Variants in TASP1 observed in about 807,000 individuals in gnomAD.
TASP1 encodes the protein taspase 1, also known as threonine aspartase 1.
A neutral mutation model predicts 56.6 loss-of-function variants in TASP1; 16 were observed. The observed-to-expected ratio is 0.28, with a 90% CI of 0.19 to 0.43. TASP1 has a LOEUF of 0.43. Ranked by LOEUF, TASP1 falls within the 20% of genes least tolerant of loss-of-function variation. The pLI, the probability that TASP1 is intolerant of heterozygous loss-of-function variation, is 1.00. For missense variants in TASP1, 393 were observed against 511.6 expected (o/e 0.77, Z 2.24); for synonymous variants, 179 against 184.2 (o/e 0.97, Z 0.23).
At chr20:13,234,695 CT>C in the TASP1 span, among the ~76,000 whole-genome samples, 1 of 152,206 alleles carries the variant, frequency 6.6e-6, no homozygotes, top group Non-Finnish European at 1.5e-5. Context: ...TTTTATTTCT[CT>C]GATAATTAGT....
At chr20:13,230,004 T>G in the TASP1 span, among the ~76,000 whole-genome samples, 1 of 152,196 alleles carries the variant, frequency 6.6e-6, no homozygotes, top group East Asian at 1.9e-4. Flanking sequence ...TTATTTTCCT[T>G]TATATAAACC....
intron 11 of TASP1, among the ~76,000 whole-genome samples, chr20:13,438,180 G>A (rs75739328): frequency 2.2e-4 from 34 of 151,874 alleles, no homozygotes; most frequent in African/African-American, 8.0e-4. Flanking sequence ...GAACCAAAAA[G>A]GAGCCCGCAT....
the TASP1 span, among the ~76,000 whole-genome samples, chr20:13,329,958 C>CTTT: frequency 1.4e-5 from 2 of 144,962 alleles, no homozygotes; most frequent in African/African-American, 2.5e-5. Context: ...TGTCAAATTC[C>CTTT]TTTTTTTTTT....
chr20:13,596,840 A>G (rs1347696115), intron 4 of TASP1, among the ~76,000 whole-genome samples: 1 of 152,246 alleles, frequency 6.6e-6, no homozygotes, highest in Non-Finnish European at 1.5e-5. Flanking sequence ...ATAAAAAATG[A>G]TAAAGAAGAT....
At chr20:13,151,649 C>A in the TASP1 span, among the ~76,000 whole-genome samples, 70 of 152,314 alleles carry the variant, frequency 4.6e-4, no homozygotes, top group Non-Finnish European at 7.3e-4. Flanking sequence ...TCTGCATATA[C>A]CATATTGTTA....
chr20:13,142,277 C>T, the TASP1 span, among the ~76,000 whole-genome samples: 1 of 152,190 alleles, frequency 6.6e-6, no homozygotes, highest in Non-Finnish European at 1.5e-5. Flanking sequence ...ACAAGATATC[C>T]TTTTACATGA....
At chr20:13,316,211 T>C in the TASP1 span, among the ~76,000 whole-genome samples, 1 of 151,902 alleles carries the variant, frequency 6.6e-6, no homozygotes, top group African/African-American at 2.4e-5. Flanking sequence ...GATCAATTCC[T>C]GGAAAAACAC....
the TASP1 span, among the ~76,000 whole-genome samples, chr20:13,230,488 C>T: frequency 1.3e-5 from 2 of 152,150 alleles, no homozygotes; most frequent in Non-Finnish European, 2.9e-5. Flanking sequence ...TATTATTTCT[C>T]TCTCATCTTC....
chr20:13,187,624 T>C, the TASP1 span, among the ~76,000 whole-genome samples: 6 of 150,816 alleles, frequency 4.0e-5, no homozygotes, highest in East Asian at 1.2e-3. Flanking sequence ...AGCGCACACC[T>C]GTAGTCCCAG....
the TASP1 span, among the ~76,000 whole-genome samples, chr20:13,380,252 G>A: frequency 6.6e-6 from 1 of 152,180 alleles, no homozygotes; most frequent in African/African-American, 2.4e-5. Context: ...TTCACATGGA[G>A]TTTTTGTGTG....
At chr20:13,183,347 C>T in the TASP1 span, among the ~76,000 whole-genome samples, 5 of 152,196 alleles carry the variant, frequency 3.3e-5, no homozygotes, top group Admixed American at 3.3e-4. Flanking sequence ...CTGCAGCCAA[C>T]TTACAGAATT....
At chr20:13,431,906 CAG>C (rs2042822736) in intron 12 of TASP1, among the ~76,000 whole-genome samples, 2 of 152,208 alleles carry the variant, frequency 1.3e-5, no homozygotes, top group African/African-American at 4.8e-5. Flanking sequence ...TGGGACTCTA[CAG>C]ATAGTCCCCG....
At chr20:13,238,120 A>T in the TASP1 span, 11 of 82,048 alleles carry the variant, frequency 1.3e-4, no homozygotes, top group Non-Finnish European at 2.2e-4. Flanking sequence ...CTTAAAATTT[A>T]AAAAAAAGAA....
intron 12 of TASP1, among the ~76,000 whole-genome samples, chr20:13,419,746 G>A (rs2146081970): frequency 6.6e-6 from 1 of 152,292 alleles, no homozygotes; most frequent in Non-Finnish European, 1.5e-5. Context: ...GAAGAAAGAG[G>A]CAGTAAGGGG....
At chr20:13,381,257 A>G in the TASP1 span, among the ~76,000 whole-genome samples, 1 of 152,194 alleles carries the variant, frequency 6.6e-6, no homozygotes, top group Admixed American at 6.5e-5. Context: ...CTGTGGGAAA[A>G]GCATAGTATC....
the TASP1 span, chr20:13,368,294 C>T: frequency 6.6e-6 from 1 of 152,186 alleles, no homozygotes; most frequent in African/African-American, 2.4e-5. Context: ...GCATCAGTTT[C>T]TTCCTTTATT....
intron 4 of TASP1, among the ~76,000 whole-genome samples, chr20:13,592,177 T>C (rs1392010060): frequency 6.6e-6 from 1 of 152,004 alleles, no homozygotes; most frequent in African/African-American, 2.4e-5. Context: ...GGCAGGCGTA[T>C]CACGAGGTCA....
chr20:13,395,670 T>C (rs1403887145), intron 13 of TASP1, among the ~76,000 whole-genome samples: 3 of 151,826 alleles, frequency 2.0e-5, no homozygotes, highest in Non-Finnish European at 2.9e-5. Flanking sequence ...TTGCCTGACA[T>C]GATAATAGTC....
chr20:13,528,016 G>A (rs1304143020), intron 10 of TASP1, among the ~76,000 whole-genome samples: 1 of 151,970 alleles, frequency 6.6e-6, no homozygotes, highest in African/African-American at 2.4e-5. Context: ...GAGGCCAAGA[G>A]TTCAAGACCA....
Sources: allele counts gnomAD v4.1 joint callset (sites outside exome capture counted in the v4.1 genomes callset), GRCh38; gene constraint gnomAD v4.1.1; transcripts MANE v1.5; gene names NCBI Gene and HGNC (gene_info 2026-07-23, HGNC 2026-07-21).